HNRNPH1: variants seen among roughly 807,000 people sequenced by gnomAD.
HNRNPH1 encodes the protein heterogeneous nuclear ribonucleoprotein H1.
Under a neutral mutation model 58.6 loss-of-function variants are expected in HNRNPH1, and 4 were observed. The observed-to-expected ratio is 0.07, with a 90% CI of 0.03 to 0.16. HNRNPH1 has a LOEUF of 0.16. Among genes scored for constraint, HNRNPH1 ranks in the 10% least tolerant of loss-of-function variants. HNRNPH1 has a pLI of 1.00. For synonymous variants in HNRNPH1, 192 were observed against 189.2 expected, an observed-to-expected ratio of 1.01 and a Z score of -0.12; for missense variants, 271 against 564.2, an observed-to-expected ratio of 0.48 and a Z score of 5.26.
At chr5:179,621,172 A>C in intron 2 of HNRNPH1, 70 bp downstream of exon 3, 1 of 1,533,060 alleles carries the variant, frequency 6.5e-7, no homozygotes, top group East Asian at 2.3e-5. Context: ...AAATACCTAA[A>C]ATTCAGAAGG....
At chr5:179,624,751 C>G, upstream of HNRNPH1, 1 of 396,558 alleles carries the variant, frequency 2.5e-6, no homozygotes, top group Non-Finnish European at 4.4e-6. Context: ...CTTTAGTGGA[C>G]ACAGACAATA....
upstream of HNRNPH1, among the ~76,000 whole-genome samples, chr5:179,626,776 CTTTTT>C (rs60754691): frequency 7.0e-4 from 93 of 132,434 alleles, no homozygotes; most frequent in Admixed American, 2.0e-3. Flanking sequence ...TGGTATACTT[CTTTTT>C]TTTTTTTTTT....
chr5:179,620,200 G>C (rs1015716303), intron 3 of HNRNPH1, among the ~76,000 whole-genome samples: 1 of 152,154 alleles, frequency 6.6e-6, no homozygotes, highest in African/African-American at 2.4e-5. Context: ...AGGATTTCCT[G>C]CTTCCAGCGT....
chr5:179,628,512 C>T (rs1419022975), upstream of HNRNPH1, among the ~76,000 whole-genome samples: 1 of 152,144 alleles, frequency 6.6e-6, no homozygotes, highest in Non-Finnish European at 1.5e-5. Context: ...TGCCACCACA[C>T]CCAGCTAATT....
chr5:179,633,039 A>C (rs1046334529), intron 2 of HNRNPH1, among the ~76,000 whole-genome samples: 7 of 151,236 alleles, frequency 4.6e-5, no homozygotes, highest in Non-Finnish European at 1.0e-4. Context: ...TTGTATTTTT[A>C]GTAGAGACGG....
chr5:179,632,655 C>T (rs1186108978), intron 2 of HNRNPH1, among the ~76,000 whole-genome samples: 1 of 152,234 alleles, frequency 6.6e-6, no homozygotes. Context: ...CGCGCCTCCT[C>T]CAGGCGGACA....
intron 9 of HNRNPH1, 23 bp from the exon 11 acceptor site, chr5:179,616,981 C>CA: frequency 8.0e-7 from 1 of 1,253,918 alleles, no homozygotes; most frequent in Non-Finnish European, 1.2e-6. Context: ...AAAAGGCATA[C>CA]AAGGTTAGCT....
At chr5:179,619,025 ACT>A (rs1161199252) in intron 4 of HNRNPH1, 1 of 311,748 alleles carries the variant, frequency 3.2e-6, no homozygotes, top group South Asian at 7.5e-5. Context: ...TAGTCTCTCA[ACT>A]CTATTGATTG....
At chr5:179,626,514 G>C (rs888813615), upstream of HNRNPH1, among the ~76,000 whole-genome samples, 2 of 151,466 alleles carry the variant, frequency 1.3e-5, no homozygotes, top group Non-Finnish European at 2.9e-5. Context: ...TCAGGAGTTA[G>C]AGACCAGCCT....
chr5:179,615,031 GA>G, intron 12 of HNRNPH1, 72 bp from the exon 14 acceptor site: 3 of 973,312 alleles, frequency 3.1e-6, no homozygotes, highest in Non-Finnish European at 4.8e-6. Flanking sequence ...AGTATTCCAA[GA>G]AAAAGTTTAA....
chr5:179,619,145 T>C, intron 4 of HNRNPH1, 124 bp downstream of exon 5: 1 of 879,236 alleles, frequency 1.1e-6, no homozygotes, highest in Non-Finnish European at 1.7e-6. Context: ...AGTTTGGAAA[T>C]CATGGCAAAA....
chr5:179,629,848 C>A (rs188227823), intron 2 of HNRNPH1, among the ~76,000 whole-genome samples: 2 of 151,258 alleles, frequency 1.3e-5, no homozygotes, highest in African/African-American at 4.9e-5. Context: ...CATGGTGAAA[C>A]CCCGTCTCTA....
upstream of HNRNPH1, among the ~76,000 whole-genome samples, chr5:179,625,797 C>CA (rs1347011403): frequency 1.3e-5 from 2 of 150,850 alleles, no homozygotes; most frequent in Non-Finnish European, 2.9e-5. Context: ...TTGTTTGAGA[C>CA]ACAGCCCGTC....
chr5:179,617,208 C>T lies in HNRNPH1; in HGVS notation c.1058-98G>A, dbSNP rs112840862. 4.8e-4 allele frequency: 574 copies of T among 1,208,412 alleles called. 5 individuals are homozygous for T. The African/African-American group carries it at 7.6e-3, about 16-fold the overall frequency. 74.9% of individuals were successfully genotyped at this position (1,208,412 alleles called of 1,614,324 possible). A position where few individuals can be genotyped will look rare whatever the true frequency, so the allele number is the denominator to read the frequency against. On this transcript the variant is annotated intron_variant, in intron 8 of 12. Coordinates refer to ENST00000356731, the Ensembl canonical transcript of HNRNPH1. Reference sequence around the variant, plus strand: ...TTTAAACAAGCAGATCTGTGAACTTCAAATACTTTGGCAAAGAAATTCTAG... The same window carrying T: ...TTTAAACAAGCAGATCTGTGAACTTTAAATACTTTGGCAAAGAAATTCTAG...
exon 8 of HNRNPH1, chr5:179,617,622 C>G: frequency 6.2e-7 from 1 of 1,614,072 alleles, no homozygotes; most frequent in East Asian, 2.2e-5. Context: ...TCAATGTGTA[C>G]TCTCACAGGG....
At chr5:179,622,761 G>A (rs1581728100) in intron 1 of HNRNPH1, 1 of 152,270 alleles carries the variant, frequency 6.6e-6, no homozygotes, top group Non-Finnish European at 1.5e-5. Flanking sequence ...TCAAAGATAG[G>A]TAAAGAAAAC....
At chr5:179,620,388 T>C (rs77376842) in intron 3 of HNRNPH1, among the ~76,000 whole-genome samples, 2,106 of 152,332 alleles carry the variant, frequency 0.014, 47 homozygotes, top group African/African-American at 0.045. Flanking sequence ...TCACTACATC[T>C]GATTTTCAGT....
At chr5:179,618,260 C>G (rs781487261) in exon 5 of HNRNPH1, 2 of 1,614,062 alleles carry the variant, frequency 1.2e-6, no homozygotes, top group African/African-American at 2.7e-5. Flanking sequence ...TGGCCATAAG[C>G]TTTCGTGGTG....
At chr5:179,631,196 A>C (rs1404158512) in intron 2 of HNRNPH1, among the ~76,000 whole-genome samples, 1 of 152,188 alleles carries the variant, frequency 6.6e-6, no homozygotes, top group East Asian at 1.9e-4. Flanking sequence ...AAAGGGCCAC[A>C]GGACATGAAA....
Sources: allele counts gnomAD v4.1 joint callset (sites outside exome capture counted in the v4.1 genomes callset), GRCh38; gene constraint gnomAD v4.1.1; transcripts MANE v1.5; gene names NCBI Gene and HGNC (gene_info 2026-07-23, HGNC 2026-07-21).